The following PLOD2 variants were observed in gnomAD, a reference collection of about 807,000 sequenced individuals.
The protein encoded by PLOD2 is lysine hydroxylase 2.
Under a neutral mutation model 101.0 loss-of-function variants are expected in PLOD2, and 65 were observed. That is an observed-to-expected ratio of 0.64 (90% CI 0.53 to 0.79). The LOEUF (loss-of-function observed/expected upper bound fraction) is 0.79. Ranked by LOEUF, PLOD2 falls within the 30% of genes least tolerant of loss-of-function variation. PLOD2 has a pLI of 0.00. For missense variants in PLOD2, 909 were observed against 914.6 expected, an observed-to-expected ratio of 0.99 and a Z score of 0.08; for synonymous variants, 314 against 302.9, an observed-to-expected ratio of 1.04 and a Z score of -0.38.
At chr3:146,097,172 A>T (rs1022550515) in intron 7 of PLOD2, among the ~76,000 whole-genome samples, 2 of 124,718 alleles carry the variant, frequency 1.6e-5, no homozygotes, top group African/African-American at 6.3e-5. Flanking sequence ...TCCGGGAGGG[A>T]GGTGGGGGGT....
At chr3:146,137,804 A>G (rs1401844418) in intron 1 of PLOD2, among the ~76,000 whole-genome samples, 1 of 152,148 alleles carries the variant, frequency 6.6e-6, no homozygotes, top group Non-Finnish European at 1.5e-5. Flanking sequence ...ACACTAAAAA[A>G]AATACCATCC....
At position 146,085,380 on chromosome 3, in the gene PLOD2, T is replaced by C. The variant is rs1052259598; in HGVS notation, c.1128-107A>G. 3.7e-5 allele frequency: 26 copies of C among 698,894 alleles called. No individual in the cohort carries two copies. The African/African-American group carries it at 4.6e-4, about 12-fold the overall frequency. The allele number at this position is 698,894 out of a possible 1,614,324, so 43.3% of individuals were successfully genotyped here. A position where few individuals can be genotyped will look rare whatever the true frequency, so the allele number is the denominator to read the frequency against. On this transcript the variant is annotated intron_variant, in intron 10 of 19. Transcript: ENST00000282903. Reference sequence around the variant, plus strand: ...TTATGTAAAATATGGTTCTCTAGCATACTTTTCTGATCAAAATAGTGGAAC... The same window carrying C: ...TTATGTAAAATATGGTTCTCTAGCACACTTTTCTGATCAAAATAGTGGAAC...
intron 1 of PLOD2, among the ~76,000 whole-genome samples, chr3:146,132,237 G>A (rs1707466): frequency 0.49 from 74,974 of 151,868 alleles, 18,579 homozygotes; most frequent in East Asian, 0.56. Context: ...AGGGCTTTCA[G>A]TTTTAAAACT....
At chr3:146,076,736 A>C (rs1471706061) in intron 15 of PLOD2, 46 bp downstream of exon 15, 2 of 924,092 alleles carry the variant, frequency 2.2e-6, no homozygotes, top group African/African-American at 1.6e-5. Context: ...ATTTATAACC[A>C]CTTACAGTTA....
chr3:146,088,185 T>C (rs1454991169), intron 9 of PLOD2, among the ~76,000 whole-genome samples: 1 of 151,698 alleles, frequency 6.6e-6, no homozygotes, highest in Non-Finnish European at 1.5e-5. Context: ...CAGTACTCTA[T>C]CTGGAAACTG....
At chr3:146,127,000 T>C (rs2030606640) in intron 1 of PLOD2, among the ~76,000 whole-genome samples, 1 of 152,126 alleles carries the variant, frequency 6.6e-6, no homozygotes, top group African/African-American at 2.4e-5. Context: ...ATCCCTATAA[T>C]TACTATTTTT....
At chr3:146,139,884 C>T (rs2031437554) in intron 1 of PLOD2, among the ~76,000 whole-genome samples, 1 of 152,070 alleles carries the variant, frequency 6.6e-6, no homozygotes, top group South Asian at 2.1e-4. Flanking sequence ...CTTTCCCTGC[C>T]TTCCTCCCTT....
At chr3:146,125,386 T>C (rs16857919) in intron 1 of PLOD2, among the ~76,000 whole-genome samples, 28,017 of 117,496 alleles carry the variant, frequency 0.24, 3,007 homozygotes, top group South Asian at 0.34. Flanking sequence ...AAACATTCAA[T>C]AGTCAACCAA....
rs1278560861 is a variant in PLOD2 at position 146,161,095 on chromosome 3, G to A, written c.-106C>T. 5.8e-5 allele frequency: 35 copies of A among 599,008 alleles called. No homozygotes were observed. The highest frequency in any genetic ancestry group is 4.8e-4 in the Middle Eastern group (1 of 2,062). 37.1% of individuals were successfully genotyped at this position (599,008 alleles called of 1,614,324 possible). A position where few individuals can be genotyped will look rare whatever the true frequency, so the allele number is the denominator to read the frequency against. On this transcript the variant is annotated 5_prime_UTR_variant, in exon 1 of 20. Transcript: ENST00000282903. The stretch of plus-strand genomic sequence containing the variant: ...GGTCCGCCCTGAGCCGCCGATTGCG[G>A]GCGGGAGCCGGCGGGCAAGGCGCGC...
chr3:146,126,803 C>G (rs976268222), intron 1 of PLOD2, among the ~76,000 whole-genome samples: 1 of 143,038 alleles, frequency 7.0e-6, no homozygotes, highest in East Asian at 2.1e-4. Flanking sequence ...AATTTTTTAG[C>G]ATGCTAATTT....
intron 1 of PLOD2, among the ~76,000 whole-genome samples, chr3:146,133,384 T>C (rs1382941858): frequency 3.9e-5 from 6 of 152,152 alleles, no homozygotes; most frequent in Non-Finnish European, 5.9e-5. Flanking sequence ...CATTAATACA[T>C]ACATATGAAC....
intron 7 of PLOD2, among the ~76,000 whole-genome samples, chr3:146,099,206 T>A (rs1442746869): frequency 6.6e-6 from 1 of 152,178 alleles, no homozygotes; most frequent in East Asian, 1.9e-4. Flanking sequence ...TAATATTTCT[T>A]AGTACACCTA....
intron 15 of PLOD2, among the ~76,000 whole-genome samples, chr3:146,074,544 T>TATA (rs1356583705): frequency 6.6e-6 from 1 of 151,468 alleles, no homozygotes; most frequent in African/African-American, 2.4e-5. Flanking sequence ...GTTTATATAG[T>TATA]ATATATGGAT....
intron 12 of PLOD2, among the ~76,000 whole-genome samples, chr3:146,079,515 G>A (rs1936459011): frequency 6.6e-6 from 1 of 151,860 alleles, no homozygotes; most frequent in South Asian, 2.1e-4. Context: ...TTGTATTATA[G>A]CTATCATATC....
At chr3:146,114,215 GC>G (rs1937786392) in intron 3 of PLOD2, among the ~76,000 whole-genome samples, 1 of 147,272 alleles carries the variant, frequency 6.8e-6, no homozygotes, top group African/African-American at 2.5e-5. Context: ...ATCTCGCTTT[GC>G]CCCCATTTGC....
Position 146,096,880 on chromosome 3 carries a change from T to A in PLOD2, c.778-4979A>T, listed in dbSNP as rs76612526. Among the ~76,000 whole-genome samples, 342 of 63,176 alleles carry A rather than the reference T, an allele frequency of 5.4e-3. 18 individuals carry two copies. Among genetic ancestry groups the A allele is most frequent in the Non-Finnish European group, 6.7e-3 (213 of 31,842 alleles). 41.4% of individuals were successfully genotyped at this position (63,176 alleles called of 152,430 possible). ...CCAGCTGCCCCGTCCGGGAGGGAGG[T>A]GGGGGGGGGGAGTCGGCCAGCCGCC... is the stretch of plus-strand genomic sequence containing the variant. On this transcript the variant is annotated intron_variant, in intron 7 of 19. Coordinates refer to ENST00000282903, the MANE Select transcript of PLOD2 (RefSeq NM_182943.3).
Position 146,071,028 on chromosome 3 carries a change from A to G in PLOD2, c.2121+14T>C, listed in dbSNP as rs376009508. 809 of 1,598,406 alleles carry G rather than the reference A, an allele frequency of 5.1e-4. No individual in the cohort carries two copies. The highest frequency in any genetic ancestry group is 6.6e-4 in the Non-Finnish European group (773 of 1,167,096). On this transcript the variant is annotated intron_variant, in intron 19 of 19. Coordinates refer to ENST00000282903, the MANE Select transcript of PLOD2 (RefSeq NM_182943.3). ...TTCTTTTGAAAAATCTAAAAACACA[A>G]GAGTCATAATTACCTGAAAGTCTTC...
chr3:146,101,022 G>A (rs1041775271), intron 7 of PLOD2, among the ~76,000 whole-genome samples: 2 of 152,056 alleles, frequency 1.3e-5, no homozygotes, highest in Admixed American at 1.3e-4. Flanking sequence ...TAGAACAGAG[G>A]GCTTTTGGAG....
chr3:146,092,428 T>C (rs967521972), intron 7 of PLOD2, among the ~76,000 whole-genome samples: 1 of 152,072 alleles, frequency 6.6e-6, no homozygotes, highest in Non-Finnish European at 1.5e-5. Context: ...CAGGAAACTA[T>C]GCTACTATAA....
Sources: gnomAD v4.1 joint callset for allele counts (sites outside exome capture counted in the v4.1 genomes callset) on GRCh38, gnomAD v4.1.1 for gene constraint, MANE v1.5 for transcripts, NCBI Gene and HGNC (gene_info 2026-07-23, HGNC 2026-07-21) for gene names.